NEMP1: variants seen among roughly 807,000 people sequenced by gnomAD.
NEMP1 encodes nuclear envelope integral membrane protein 1.
In NEMP1, 29 loss-of-function variants were observed where a neutral mutation model predicts 53.7. The ratio of observed to expected loss-of-function variants is 0.54; its 90% CI spans 0.40 to 0.74. The LOEUF (loss-of-function observed/expected upper bound fraction) is 0.74, where lower values mean the gene tolerates loss of function less well. Among genes scored for constraint, NEMP1 ranks in the 30% least tolerant of loss-of-function variants. NEMP1 has a pLI of 0.00. For synonymous variants in NEMP1, 193 were observed against 192.9 expected (o/e 1.00, Z 0.00); for missense variants, 477 against 528.6 (o/e 0.90, Z 0.96).
intron 3 of NEMP1, among the ~76,000 whole-genome samples, chr12:57,070,312 A>G (rs1169972698): frequency 6.6e-6 from 1 of 152,272 alleles, no homozygotes; most frequent in African/African-American, 2.4e-5. Flanking sequence ...CACATCAGAC[A>G]GTTACCTTTG....
At position 57,073,129 on chromosome 12, in the gene NEMP1, AAAGT is replaced by A. The variant is rs2032429292; in HGVS notation, c.128-221_128-218del. Among the ~76,000 whole-genome samples, 2 of 152,162 alleles carry A rather than the reference AAAGT, an allele frequency of 1.3e-5. 1 individual carries two copies. The highest frequency in any genetic ancestry group is 4.1e-4 in the South Asian group (2 of 4,832). ...AATATTACACAGTCATTCAGTCAGA[AAAGT>A]AATAATAAAAACTACTATTAAGTAT... On this transcript the variant is annotated intron_variant, in intron 1 of 8. Transcript: ENST00000300128.
upstream of NEMP1, chr12:57,088,068 C>A (rs1200132408): frequency 6.6e-6 from 1 of 152,250 alleles, no homozygotes; most frequent in Non-Finnish European, 1.5e-5. Context: ...GTCGTAGGCT[C>A]CCGACCTCTT....
At position 57,063,167 on chromosome 12, in the gene NEMP1, C is replaced by T. The variant is rs2031901398; in HGVS notation, c.932G>A (p.Cys311Tyr). Residue 311 changes from cysteine to tyrosine, a missense_variant, in exon 7 of 9, where the codon TGT becomes TAT. Transcript: ENST00000300128. The part of the protein sequence containing the change: ...IALAIIIIAL[C>Y]TKNLEHPIQW... ...AATAGGGTGTTCCAGGTTCTTAGTA[C>T]AAAGAGCAATGATGATAATGGCAAG... 3 of 1,614,116 alleles carry T rather than the reference C, an allele frequency of 1.9e-6. No homozygotes were observed. Among genetic ancestry groups the T allele is most frequent in the Non-Finnish European group, 2.5e-6 (3 of 1,180,024 alleles).
At chr12:57,088,196 T>C (rs1028226518), upstream of NEMP1, 1 of 152,220 alleles carries the variant, frequency 6.6e-6, no homozygotes, top group African/African-American at 2.4e-5. Flanking sequence ...AGAGGACAAG[T>C]GGAGGAATCC....
upstream of NEMP1, among the ~76,000 whole-genome samples, chr12:57,088,347 C>T (rs950362924): frequency 5.9e-5 from 9 of 152,174 alleles, no homozygotes; most frequent in Non-Finnish European, 1.2e-4. Context: ...GAGAGCGACC[C>T]CCTCAGATTA....
At chr12:57,064,585 GA>G (rs2136489499) in intron 5 of NEMP1, 60 bp downstream of exon 5, 2 of 1,311,550 alleles carry the variant, frequency 1.5e-6, no homozygotes, top group East Asian at 2.4e-5. Flanking sequence ...GATTACCCAG[GA>G]AAACAGTCCT....
intron 1 of NEMP1, among the ~76,000 whole-genome samples, chr12:57,073,292 C>A (rs965927154): frequency 6.6e-6 from 1 of 151,780 alleles, no homozygotes. Context: ...GCTGGGACTA[C>A]AGGCGCCCGC....
upstream of NEMP1, among the ~76,000 whole-genome samples, chr12:57,081,023 G>A (rs894218614): frequency 3.3e-5 from 5 of 152,038 alleles, no homozygotes; most frequent in African/African-American, 1.2e-4. Context: ...CACTCCCTCA[G>A]CTGACCTAGG....
In NEMP1 at chr12:57,085,428, C is replaced by T. The variant is rs117728328; in HGVS notation, n.113+2523G>A. Among the ~76,000 whole-genome samples, 667 of 152,250 alleles carry T rather than the reference C, an allele frequency of 4.4e-3. 15 individuals carry two copies. Among genetic ancestry groups the T allele is most frequent in the East Asian group, 0.031 (163 of 5,184 alleles). On this transcript the variant is annotated intron_variant and non_coding_transcript_variant, in intron 1 of 2. Transcript: ENST00000553654. ...AGGCCCCTCACAACTCCAAGCAGAA[C>T]AGATCACTCACCCTCTTATACTTCT...
chr12:57,060,732 A>G (rs1464911924), intron 8 of NEMP1, 40 bp downstream of exon 8: 3 of 1,584,372 alleles, frequency 1.9e-6, no homozygotes, highest in African/African-American at 1.4e-5. Context: ...CAAGGTCACA[A>G]TTACCCTGAT....
chr12:57,067,961 G>C (rs2032169232), intron 4 of NEMP1, among the ~76,000 whole-genome samples: 1 of 151,818 alleles, frequency 6.6e-6, no homozygotes, highest in South Asian at 2.1e-4. Flanking sequence ...TGTAGAGGCA[G>C]GGTCTCACTA....
chr12:57,063,870 C>T (rs2031940410), intron 6 of NEMP1, among the ~76,000 whole-genome samples: 1 of 151,698 alleles, frequency 6.6e-6, no homozygotes, highest in Non-Finnish European at 1.5e-5. Flanking sequence ...TGAACATCTT[C>T]GCCTTAACAG....
chr12:57,066,428 TTGGC>T lies in NEMP1; in HGVS notation c.546-1693_546-1690del, dbSNP rs1048743532. ...AGAACTTTCCCTTTGCACTCACAAC[TTGGC>T]TAACTGCTCAGGACAAGAGGTCTAG... On this transcript the variant is annotated intron_variant, in intron 4 of 8. Coordinates refer to ENST00000300128, the MANE Select transcript of NEMP1 (RefSeq NM_001130963.2). Among the ~76,000 whole-genome samples, 15 of 152,224 alleles carry T rather than the reference TTGGC, an allele frequency of 9.9e-5. 1 individual carries two copies. The highest frequency in any genetic ancestry group is 6.5e-4 in the Admixed American group (10 of 15,282).
In NEMP1 at chr12:57,057,327, A is replaced by T. The variant is rs1219768835; in HGVS notation, c.*2552T>A. ...ATAGTTATCCCTTCAATCCTTCTTG[A>T]TGAGATTGGTCTGAGAGATGAGACT... is the stretch of plus-strand genomic sequence containing the variant. On this transcript the variant is annotated 3_prime_UTR_variant, in exon 9 of 9. Transcript: ENST00000300128. The T allele has an allele frequency of 1.3e-5, 2 of 152,234 alleles. No homozygotes were observed. Among genetic ancestry groups the T allele is most frequent in the African/African-American group, 4.8e-5 (2 of 41,448 alleles). 9.4% of individuals were successfully genotyped at this position (152,234 alleles called of 1,614,324 possible).
intron 1 of NEMP1, among the ~76,000 whole-genome samples, chr12:57,075,915 C>T (rs1446430612): frequency 6.6e-6 from 1 of 151,258 alleles, no homozygotes; most frequent in African/African-American, 2.4e-5. Flanking sequence ...CCAGCCTGGC[C>T]AACATGGCGA....
chr12:57,068,352 G>T (rs186517651), intron 4 of NEMP1, among the ~76,000 whole-genome samples: 389 of 149,338 alleles, frequency 2.6e-3, no homozygotes, highest in Non-Finnish European at 4.5e-3. Context: ...ATAAACACTT[G>T]ATTTTTTTTT....
upstream of NEMP1, among the ~76,000 whole-genome samples, chr12:57,088,318 C>T (rs987195397): frequency 6.6e-6 from 1 of 152,198 alleles, no homozygotes; most frequent in Non-Finnish European, 1.5e-5. Context: ...TCCAGGCTAG[C>T]ATGGAGGCCT....
Position 57,056,440 on chromosome 12 carries a change from A to G in NEMP1, c.*3439T>C, listed in dbSNP as rs2031528413. On this transcript the variant is annotated 3_prime_UTR_variant, in exon 9 of 9. Transcript: ENST00000300128. The stretch of plus-strand genomic sequence containing the variant: ...TATGTTTATTAATTGGTTTCAGTTA[A>G]TATGTAATATGAAGGCATGATAAAT... 6.6e-6 allele frequency: 1 copy of G among 152,236 alleles called. No individual in the cohort carries two copies. The highest frequency in any genetic ancestry group is 2.4e-5 in the African/African-American group (1 of 41,468). 9.4% of individuals were successfully genotyped at this position (152,236 alleles called of 1,614,324 possible).
chr12:57,062,079 G>T (rs2031837591), intron 7 of NEMP1, among the ~76,000 whole-genome samples: 2 of 152,130 alleles, frequency 1.3e-5, no homozygotes, highest in South Asian at 4.1e-4. Context: ...ACAACTTCAG[G>T]ACCTAGTAAC....
Sources: allele counts gnomAD v4.1 joint callset (sites outside exome capture counted in the v4.1 genomes callset), GRCh38; gene constraint gnomAD v4.1.1; transcripts MANE v1.5; gene names NCBI Gene and HGNC (gene_info 2026-07-23, HGNC 2026-07-21).